Variants in CAST observed in about 807,000 individuals in gnomAD.
The protein encoded by CAST is MIR583 host.
Under a neutral mutation model 119.6 loss-of-function variants are expected in CAST, and 76 were observed. That is an observed-to-expected ratio of 0.64 (90% CI 0.53 to 0.77). The LOEUF (loss-of-function observed/expected upper bound fraction) is 0.77, where lower values mean the gene tolerates loss of function less well. Ranked by LOEUF, CAST falls within the 30% of genes least tolerant of loss-of-function variation. The probability of loss-of-function intolerance (pLI) is 0.00; values close to 1 mark genes in which losing one functional copy is unlikely to be tolerated. For missense variants in CAST, 953 were observed against 946.5 expected, an observed-to-expected ratio of 1.01 and a Z score of -0.09; for synonymous variants, 319 against 331.6, an observed-to-expected ratio of 0.96 and a Z score of 0.41.
chr5:96,672,265 A>T (rs1750168489), intron 1 of CAST, among the ~76,000 whole-genome samples: 1 of 151,854 alleles, frequency 6.6e-6, no homozygotes, highest in Non-Finnish European at 1.5e-5. Flanking sequence ...GTCTGTATGT[A>T]TGCCTGTGTG....
At chr5:96,475,829 CCTT>C in the CAST span, among the ~76,000 whole-genome samples, 1 of 152,180 alleles carries the variant, frequency 6.6e-6, no homozygotes, top group Non-Finnish European at 1.5e-5. Flanking sequence ...TGGCAGCTCA[CCTT>C]CTCAAATTGC....
the CAST span, among the ~76,000 whole-genome samples, chr5:96,374,659 A>T: frequency 8.5e-5 from 13 of 152,170 alleles, no homozygotes; most frequent in Admixed American, 8.5e-4. Context: ...GTCTCATCAA[A>T]GCATGCTGCA....
chr5:96,622,586 G>A (rs1397845406), intron 1 of CAST, among the ~76,000 whole-genome samples: 1 of 152,032 alleles, frequency 6.6e-6, no homozygotes, highest in Non-Finnish European at 1.5e-5. Flanking sequence ...ATGCTGGTGA[G>A]CAGCCCCACA....
At chr5:96,632,050 G>C (rs1185693833) in intron 1 of CAST, among the ~76,000 whole-genome samples, 1 of 115,584 alleles carries the variant, frequency 8.7e-6, no homozygotes, top group Non-Finnish European at 1.7e-5. Context: ...TATTATTATA[G>C]CTATCCTAGT....
At chr5:96,030,118 C>T in the CAST span, among the ~76,000 whole-genome samples, 16 of 152,020 alleles carry the variant, frequency 1.1e-4, no homozygotes, top group Non-Finnish European at 8.8e-5. Flanking sequence ...GTCTTCATTA[C>T]TCATCCAAAT....
At chr5:96,767,539 T>C (rs1002765157) in intron 28 of CAST, 57 bp downstream of exon 28, 5 of 1,377,198 alleles carry the variant, frequency 3.6e-6, no homozygotes, top group Non-Finnish European at 5.2e-6. Context: ...GCCATAGGGG[T>C]ATTTGGCATT....
intron 1 of CAST, among the ~76,000 whole-genome samples, chr5:96,567,092 C>G (rs926416331): frequency 2.6e-5 from 4 of 152,168 alleles, no homozygotes; most frequent in Admixed American, 6.5e-5. Flanking sequence ...TCCTTATCAG[C>G]AGAAAAGAAG....
chr5:96,390,576 C>T, the CAST span: 3 of 152,494 alleles, frequency 2.0e-5, no homozygotes, highest in African/African-American at 7.2e-5. Flanking sequence ...GAGGAACATG[C>T]CTTTCAAAAA....
intron 3 of CAST, among the ~76,000 whole-genome samples, chr5:96,706,136 G>T (rs1220482511): frequency 1.3e-5 from 2 of 152,164 alleles, no homozygotes; most frequent in Non-Finnish European, 2.9e-5. Context: ...GCCCTAAGAT[G>T]CTGTTACATT....
At chr5:96,670,994 A>G (rs1354307035) in intron 1 of CAST, among the ~76,000 whole-genome samples, 1 of 152,160 alleles carries the variant, frequency 6.6e-6, no homozygotes, top group Admixed American at 6.5e-5. Flanking sequence ...TTTCAGATTT[A>G]TGGGTTTGCT....
intron 2 of CAST, among the ~76,000 whole-genome samples, chr5:96,683,308 A>C (rs1235114861): frequency 6.6e-6 from 1 of 152,124 alleles, no homozygotes; most frequent in Non-Finnish European, 1.5e-5. Flanking sequence ...TTCTGCCTAG[A>C]TTTTTGGCAT....
In CAST at chr5:96,688,574, G is replaced by A. The variant is rs886325799; in HGVS notation, c.139-7262G>A. 4.6e-5 allele frequency among the ~76,000 whole-genome samples: 7 copies of A among 152,022 alleles called. No individual in the cohort carries two copies. In the East Asian group the frequency reaches 1.3e-3, roughly 29 times the overall value. Reference sequence around the variant, plus strand: ...TGTTTTGAAAAACATTTAATGACAGGCAAAAATGCTTATATTAGGTAAAAA... The same window carrying A: ...TGTTTTGAAAAACATTTAATGACAGACAAAAATGCTTATATTAGGTAAAAA... On this transcript the variant is annotated intron_variant, in intron 2 of 31. Transcript: ENST00000675179.
chr5:96,740,735 T>C lies in CAST; in HGVS notation c.880-10T>C. 1 of 1,592,560 alleles carries C rather than the reference T, an allele frequency of 6.3e-7. No individual in the cohort carries two copies. The highest frequency in any genetic ancestry group is 8.6e-7 in the Non-Finnish European group (1 of 1,160,302). On this transcript the variant is annotated splice_polypyrimidine_tract_variant and intron_variant, in intron 12 of 31. Transcript: ENST00000675179. ...CCTTCTCAACATCATCAAATTAATA[T>C]TTGTTTCAGAAAAAGGAAGGGATCA... is the stretch of plus-strand genomic sequence containing the variant.
At chr5:96,470,302 G>A in the CAST span, among the ~76,000 whole-genome samples, 1 of 151,972 alleles carries the variant, frequency 6.6e-6, no homozygotes, top group South Asian at 2.1e-4. Context: ...ATATATAAAG[G>A]TTAGTCATTA....
the CAST span, among the ~76,000 whole-genome samples, chr5:96,209,470 A>G: frequency 2.0e-5 from 3 of 151,940 alleles, no homozygotes; most frequent in African/African-American, 4.8e-5. Context: ...TTGTTTCCAT[A>G]TTTAGCACTC....
At chr5:96,686,715 C>T (rs1245349736) in intron 2 of CAST, among the ~76,000 whole-genome samples, 3 of 152,102 alleles carry the variant, frequency 2.0e-5, no homozygotes, top group Admixed American at 6.5e-5. Flanking sequence ...ATGTAAAGAA[C>T]AGCAGATAAA....
the CAST span, among the ~76,000 whole-genome samples, chr5:95,984,274 G>A: frequency 6.6e-6 from 1 of 152,152 alleles, no homozygotes; most frequent in Non-Finnish European, 1.5e-5. Flanking sequence ...CATGATTGAT[G>A]AATGAAAGTA....
At chr5:96,098,121 G>A in the CAST span, among the ~76,000 whole-genome samples, 2 of 152,176 alleles carry the variant, frequency 1.3e-5, no homozygotes, top group Non-Finnish European at 2.9e-5. Flanking sequence ...GCACATGTAT[G>A]TCTTCTTTAG....
the CAST span, among the ~76,000 whole-genome samples, chr5:96,473,418 A>G: frequency 6.6e-6 from 1 of 152,246 alleles, no homozygotes; most frequent in Non-Finnish European, 1.5e-5. Flanking sequence ...ATTATATCAC[A>G]TTACATAACA....
Sources: gnomAD v4.1 joint callset for allele counts (sites outside exome capture counted in the v4.1 genomes callset) on GRCh38, gnomAD v4.1.1 for gene constraint, MANE v1.5 for transcripts, NCBI Gene and HGNC (gene_info 2026-07-23, HGNC 2026-07-21) for gene names.